The following P2RY4 variants were observed in gnomAD, a reference collection of about 807,000 sequenced individuals.
P2RY4 encodes the protein P2Y purinoceptor 4.
For missense variants in P2RY4, 291 were observed against 308.5 expected, an observed-to-expected ratio of 0.94 and a Z score of 0.42; for synonymous variants, 121 against 131.6, an observed-to-expected ratio of 0.92 and a Z score of 0.55.
Position 70,258,575 on chromosome X carries a change from G to A in P2RY4, c.1050C>T (p.Ala350=). ...LPEDSSCRWA[A]TPQDSSCSTP... ...TAGAGCAGCTACTGTCCTGGGGGGT[G>A]GCCGCCCACCTGCAGCTGCTATCCT... The change falls in exon 1 of 1, where the codon GCC becomes GCT. Residue 350 remains alanine (A), a synonymous_variant. Transcript: ENST00000374519. 4.1e-6 allele frequency: 5 copies of A among 1,208,794 alleles called. No homozygotes were observed. In the South Asian group the frequency reaches 7.1e-5, roughly 17 times the overall value.
chrX:70,259,961 A>G lies in P2RY4; in HGVS notation c.-337T>C, dbSNP rs1326818375. On this transcript the variant is annotated 5_prime_UTR_variant, in exon 1 of 1. Coordinates refer to ENST00000374519, the MANE Select transcript of P2RY4 (RefSeq NM_002565.4). ...TCCCAGCACTATCCAAAGTGGGAAG[A>G]TACCCAGACCCAAAGTGTCTTCTGA... Among the ~76,000 whole-genome samples the G allele has an allele frequency of 8.9e-6, 1 of 112,501 alleles. No individual in the cohort carries two copies. Among genetic ancestry groups the G allele is most frequent in the Non-Finnish European group, 1.9e-5 (1 of 53,227 alleles).
chrX:70,259,680 C>A lies in P2RY4; in HGVS notation c.-56G>T. The A allele has an allele frequency of 9.3e-7, 1 of 1,073,158 alleles. No homozygotes were observed. Among genetic ancestry groups the A allele is most frequent in the Non-Finnish European group, 1.2e-6 (1 of 807,355 alleles). The allele number at this position is 1,073,158 out of a possible 1,213,427, so 88.4% of individuals were successfully genotyped here. A position where few individuals can be genotyped will look rare whatever the true frequency, so the allele number is the denominator to read the frequency against. ...GAGGGTGGCAGGATTTCCCTGCCCA[C>A]CCCCATCCCTGAGCTGGAGCAAAAA... On this transcript the variant is annotated 5_prime_UTR_variant, in exon 1 of 1. Transcript: ENST00000374519.
chrX:70,258,428 T>C lies in P2RY4; in HGVS notation c.*99A>G. The C allele has an allele frequency of 1.0e-6, 1 of 990,883 alleles. No individual in the cohort carries two copies. The highest frequency in any genetic ancestry group is 3.1e-5 in the East Asian group (1 of 32,487). 81.7% of individuals were successfully genotyped at this position (990,883 alleles called of 1,213,427 possible). On this transcript the variant is annotated 3_prime_UTR_variant, in exon 1 of 1. Transcript: ENST00000374519. The stretch of plus-strand genomic sequence containing the variant: ...AGGGTGAGGGCTTCTCTCCAGAGCC[T>C]GGAAAAGAGGAAGAAGCACCTTACC...
Position 70,259,844 on chromosome X carries a change from G to A in P2RY4, c.-220C>T. On this transcript the variant is annotated 5_prime_UTR_variant, in exon 1 of 1. Transcript: ENST00000374519. ...AGTGGTGGGCAGCAGGCAGTGCTGG[G>A]GCTCAGGCAGGCAGCCCGTGTATTT... 2.3e-6 allele frequency: 1 copy of A among 427,697 alleles called. No homozygotes were observed. The highest frequency in any genetic ancestry group is 4.3e-5 in the South Asian group (1 of 23,499). 35.2% of individuals were successfully genotyped at this position (427,697 alleles called of 1,213,427 possible). A position where few individuals can be genotyped will look rare whatever the true frequency, so the allele number is the denominator to read the frequency against.
chrX:70,258,310 G>A lies in P2RY4; in HGVS notation c.*217C>T. The A allele has an allele frequency of 2.6e-6, 1 of 385,781 alleles. No individual in the cohort carries two copies. Among genetic ancestry groups the A allele is most frequent in the Middle Eastern group, 6.9e-4 (1 of 1,441 alleles). The allele number at this position is 385,781 out of a possible 1,213,427, so 31.8% of individuals were successfully genotyped here. ...AAGGAACAGAAACAACGAGAAAGGA[G>A]TAGAAGATTGGCATTGGCTAAAAAG... On this transcript the variant is annotated 3_prime_UTR_variant, in exon 1 of 1. Coordinates refer to ENST00000374519, the MANE Select transcript of P2RY4 (RefSeq NM_002565.4).
Position 70,258,360 on chromosome X carries a change from G to T in P2RY4, c.*167C>A. On this transcript the variant is annotated 3_prime_UTR_variant, in exon 1 of 1. Transcript: ENST00000374519. ...GAGTCGGCAACTGAAGGGGTTATGAGAGATGAGGTCACCCATGATATCCCT... is the reference window on the plus strand; with the variant it reads ...GAGTCGGCAACTGAAGGGGTTATGATAGATGAGGTCACCCATGATATCCCT... The T allele has an allele frequency of 2.0e-6, 1 of 505,236 alleles. No individual in the cohort carries two copies. The highest frequency in any genetic ancestry group is 3.5e-5 in the East Asian group (1 of 28,479). The allele number at this position is 505,236 out of a possible 1,213,427, so 41.6% of individuals were successfully genotyped here.
rs1208043570 is a variant in P2RY4, at chrX:70,259,345, A to C, written c.280T>G (p.Tyr94Asp). The C allele has an allele frequency of 8.2e-7, 1 of 1,212,144 alleles. No homozygotes were observed. The highest frequency in any genetic ancestry group is 1.1e-6 in the Non-Finnish European group (1 of 895,492). Residue 94 changes from tyrosine to aspartate, a missense_variant, in exon 1 of 1, where the codon TAT becomes GAT. Transcript: ENST00000374519. ...YVLSLPTLIY[Y>D]YAAHNHWPFG... ...GGCCAGTGGTTGTGGGCTGCATAAT[A>C]GTAGATGAGGGTGGGCAGCGACAGC... is the stretch of plus-strand genomic sequence containing the variant.
Position 70,258,242 on chromosome X carries a change from TG to T in P2RY4, c.*284del. 1 of 290,291 alleles carries T rather than the reference TG, an allele frequency of 3.4e-6. No homozygotes were observed. Among genetic ancestry groups the T allele is most frequent in the Non-Finnish European group, 6.0e-6 (1 of 165,714 alleles). 23.9% of individuals were successfully genotyped at this position (290,291 alleles called of 1,213,427 possible). On this transcript the variant is annotated 3_prime_UTR_variant, in exon 1 of 1. Coordinates refer to ENST00000374519, the MANE Select transcript of P2RY4 (RefSeq NM_002565.4). Reference sequence around the variant, plus strand: ...GGGAAATGGGACAGGGAAAGAGGACTGGGGAAGATTTTCAGGAAGATTGTAG... The same window carrying T: ...GGGAAATGGGACAGGGAAAGAGGACTGGGAAGATTTTCAGGAAGATTGTAG...
In P2RY4 at chrX:70,259,321, G is replaced by T; in HGVS notation, c.304C>A (p.Pro102Thr). 8.3e-7 allele frequency: 1 copy of T among 1,212,015 alleles called. No individual in the cohort carries two copies. Among genetic ancestry groups the T allele is most frequent in the South Asian group, 1.8e-5 (1 of 56,967 alleles). The change falls in exon 1 of 1, where the codon CCC becomes ACC. Residue 102 changes from proline to threonine, a missense_variant. Transcript: ENST00000374519. ...IYYYAAHNHW[P>T]FGTEICKFVR... ...AACTTGCAGATCTCAGTGCCAAAGG[G>T]CCAGTGGTTGTGGGCTGCATAATAG...
rs1403849295 is a variant in P2RY4, at chrX:70,258,977, A to T, written c.648T>A (p.Thr216=). ...GAGCCATGAGTCCATAGCAAACAAG[A>T]GTGACCAGGCAGGGCACGCCAAAGA... ...GLLFGVPCLV[T]LVCYGLMARR... Residue 216 remains threonine, a synonymous_variant, in exon 1 of 1, where the codon ACT becomes ACA. Transcript: ENST00000374519. 8.3e-7 allele frequency: 1 copy of T among 1,210,161 alleles called. No homozygotes were observed. The highest frequency in any genetic ancestry group is 1.1e-6 in the Non-Finnish European group (1 of 895,116).
Position 70,258,754 on chromosome X carries a change from T to A in P2RY4, c.871A>T (p.Thr291Ser), listed in dbSNP as rs779394355. 1.7e-5 allele frequency: 20 copies of A among 1,210,509 alleles called. No homozygotes were observed. The highest frequency in any genetic ancestry group is 2.0e-5 in the Non-Finnish European group (18 of 895,240). ...LNIVNVVYKVTRPLASANSCL... is the reference protein window; with the variant it reads ...LNIVNVVYKVSRPLASANSCL... The stretch of plus-strand genomic sequence containing the variant: ...CTGTTGGCACTGGCCAGGGGCCGAG[T>A]CACTTTATAGACCACGTTGACAATG... The change falls in exon 1 of 1, where the codon ACT becomes TCT. Residue 291 changes from threonine to serine, a missense_variant. Physicochemically the swap from Thr to Ser is moderately conservative, Grantham distance 58. Transcript: ENST00000374519.
chrX:70,259,500 T>G lies in P2RY4; in HGVS notation c.125A>C (p.Tyr42Ser), dbSNP rs1193007062. The change falls in exon 1 of 1, where the codon TAT becomes TCT. Residue 42 changes from tyrosine (Y) to serine (S), a missense_variant. Tyr to Ser is a moderately radical substitution (Grantham distance 144, BLOSUM62 -2). Coordinates refer to ENST00000374519, the MANE Select transcript of P2RY4 (RefSeq NM_002565.4). ...DFKFILLPVS[Y>S]AVVFVLGLGL... ...CAAGCCCAGCACAAAGACAACTGCA[T>G]AGCTCACAGGCAGCAGGATGAACTT... 1.7e-6 allele frequency: 2 copies of G among 1,210,025 alleles called. No homozygotes were observed. Among genetic ancestry groups the G allele is most frequent in the Admixed American group, 4.4e-5 (2 of 45,909 alleles).
In P2RY4 at chrX:70,258,553, A is replaced by G; in HGVS notation, c.1072T>C (p.Ser358Pro). The change falls in exon 1 of 1, where the codon TCT (serine) becomes CCT (proline). Residue 358 changes from serine (S) to proline (P), a missense_variant. Physicochemically the swap from Ser to Pro is moderately conservative, Grantham distance 74 (BLOSUM62 -1). Coordinates refer to ENST00000374519, the MANE Select transcript of P2RY4 (RefSeq NM_002565.4). ...WAATPQDSSCSTPRADRL is the reference protein window; with the variant it reads ...WAATPQDSSCPTPRADRL ...TACAATCTATCTGCCCTAGGAGTAGAGCAGCTACTGTCCTGGGGGGTGGCC... is the reference window on the plus strand; with the variant it reads ...TACAATCTATCTGCCCTAGGAGTAGGGCAGCTACTGTCCTGGGGGGTGGCC... The G allele has an allele frequency of 1.7e-6, 2 of 1,201,320 alleles. No homozygotes were observed. Among genetic ancestry groups the G allele is most frequent in the Non-Finnish European group, 2.2e-6 (2 of 889,707 alleles).
rs3829709 is a variant in P2RY4, at chrX:70,258,925, A to C, written c.700T>G (p.Ser234Ala). Residue 234 changes from serine (S) to alanine (A), a missense_variant, in exon 1 of 1, where the codon TCT (serine) becomes GCT (alanine). Transcript: ENST00000374519. Reference sequence around the variant, plus strand: ...CGGAGGCGAGAAGACGACTGTGCAGAGCCTGGCAAGGGCTGATACAGGCGA... The same window carrying C: ...CGGAGGCGAGAAGACGACTGTGCAGCGCCTGGCAAGGGCTGATACAGGCGA... ...ARRLYQPLPGSAQSSSRLRSL... is the reference protein window; with the variant it reads ...ARRLYQPLPGAAQSSSRLRSL... 99,228 of 1,208,717 alleles carry C rather than the reference A, an allele frequency of 0.082. 4,464 individuals carry two copies. Among genetic ancestry groups the C allele is most frequent in the East Asian group, 0.32 (10,914 of 33,614 alleles).
rs758389195 is a variant in P2RY4, at chrX:70,259,334, G to T, written c.291C>A (p.Ala97=). ...CAGTGCCAAAGGGCCAGTGGTTGTG[G>T]GCTGCATAATAGTAGATGAGGGTGG... The part of the protein sequence containing the change: ...SLPTLIYYYA[A]HNHWPFGTEI... Residue 97 remains alanine (A), a synonymous_variant, in exon 1 of 1, where the codon GCC becomes GCA. Transcript: ENST00000374519. The T allele has an allele frequency of 4.1e-6, 5 of 1,210,909 alleles. No homozygotes were observed. In the East Asian group the frequency reaches 1.2e-4, roughly 29 times the overall value.
Position 70,258,371 on chromosome X carries a change from A to G in P2RY4, c.*156T>C. 4 of 553,177 alleles carry G rather than the reference A, an allele frequency of 7.2e-6. No homozygotes were observed. Among genetic ancestry groups the G allele is most frequent in the African/African-American group, 2.3e-5 (1 of 42,990 alleles). 45.6% of individuals were successfully genotyped at this position (553,177 alleles called of 1,213,427 possible). On this transcript the variant is annotated 3_prime_UTR_variant, in exon 1 of 1. Transcript: ENST00000374519. The stretch of plus-strand genomic sequence containing the variant: ...TGAAGGGGTTATGAGAGATGAGGTC[A>G]CCCATGATATCCCTGCCTCCCTGCA...
Position 70,258,547 on chromosome X carries a change from G to C in P2RY4, c.1078C>G (p.Pro360Ala). 8.3e-7 allele frequency: 1 copy of C among 1,199,550 alleles called. No individual in the cohort carries two copies. The highest frequency in any genetic ancestry group is 1.1e-6 in the Non-Finnish European group (1 of 888,622). ...CCGTGTTACAATCTATCTGCCCTAG[G>C]AGTAGAGCAGCTACTGTCCTGGGGG... is the stretch of plus-strand genomic sequence containing the variant. ...ATPQDSSCST[P>A]RADRL Residue 360 changes from proline to alanine, a missense_variant, in exon 1 of 1, where the codon CCT becomes GCT. Physicochemically the swap from Pro to Ala is conservative, Grantham distance 27. Transcript: ENST00000374519.
Position 70,259,776 on chromosome X carries a change from G to A in P2RY4, c.-152C>T, listed in dbSNP as rs1602715196. On this transcript the variant is annotated 5_prime_UTR_variant, in exon 1 of 1. Coordinates refer to ENST00000374519, the MANE Select transcript of P2RY4 (RefSeq NM_002565.4). ...CAGAAGCGCATCTGGGTGCACTCAG[G>A]CTAGCCTGGCCCCTACCCAAGCTCC... 1.8e-6 allele frequency: 1 copy of A among 553,322 alleles called. No individual in the cohort carries two copies. Among genetic ancestry groups the A allele is most frequent in the East Asian group, 3.7e-5 (1 of 27,285 alleles). The allele number at this position is 553,322 out of a possible 1,213,427, so 45.6% of individuals were successfully genotyped here. A position where few individuals can be genotyped will look rare whatever the true frequency, so the allele number is the denominator to read the frequency against.
In P2RY4 at chrX:70,258,665, G is replaced by T. The variant is rs1016581957; in HGVS notation, c.960C>A (p.Leu320=). The T allele has an allele frequency of 4.1e-6, 5 of 1,210,472 alleles. No homozygotes were observed. The African/African-American group carries it at 8.7e-5, about 21-fold the overall frequency. ...GDKYRRQLRQ[L]CGGGKPQPRT... ...GGGGCTGGGGCTTGCCACCACCACA[G>T]AGCTGACGGAGCTGACGTCGATATT... is the stretch of plus-strand genomic sequence containing the variant. Residue 320 remains leucine (L), a synonymous_variant, in exon 1 of 1, where the codon CTC becomes CTA. Coordinates refer to ENST00000374519, the MANE Select transcript of P2RY4 (RefSeq NM_002565.4).
Sources: allele counts gnomAD v4.1 joint callset (sites outside exome capture counted in the v4.1 genomes callset), GRCh38; gene constraint gnomAD v4.1.1; transcripts MANE v1.5; gene names NCBI Gene and HGNC (gene_info 2026-07-23, HGNC 2026-07-21).